Variants in KCNJ15 observed in about 807,000 individuals in gnomAD.
The protein encoded by KCNJ15 is ATP-sensitive inward rectifier potassium channel 15.
Under a neutral mutation model 23.0 loss-of-function variants are expected in KCNJ15, and 14 were observed. That is an observed-to-expected ratio of 0.61 (90% CI 0.40 to 0.95). KCNJ15 has a LOEUF of 0.95. KCNJ15 is among the 40% of genes least tolerant of loss of function. The probability of loss-of-function intolerance (pLI) is 0.00; values close to 1 mark genes in which losing one functional copy is unlikely to be tolerated. For missense variants in KCNJ15, 388 were observed against 461.8 expected, an observed-to-expected ratio of 0.84 and a Z score of 1.46; for synonymous variants, 185 against 183.2, an observed-to-expected ratio of 1.01 and a Z score of -0.08.
intron 1 of KCNJ15, among the ~76,000 whole-genome samples, chr21:38,263,973 G>A (rs544495896): frequency 1.3e-5 from 2 of 152,280 alleles, no homozygotes; most frequent in South Asian, 4.1e-4. Flanking sequence ...AAGGCCATTT[G>A]ATTAAATCAT....
intron 1 of KCNJ15, among the ~76,000 whole-genome samples, chr21:38,249,033 C>G (rs550848530): frequency 6.6e-6 from 1 of 152,274 alleles, no homozygotes; most frequent in South Asian, 2.1e-4. Context: ...GAATTTGAAT[C>G]TATAGCTAAG....
At chr21:38,259,462 T>G (rs1375039096) in intron 1 of KCNJ15, among the ~76,000 whole-genome samples, 1 of 152,228 alleles carries the variant, frequency 6.6e-6, no homozygotes, top group Non-Finnish European at 1.5e-5. Flanking sequence ...CCTGCAGCAA[T>G]TCAAGCATTG....
chr21:38,288,051 T>TTTTTTTTTTTTTTTTTTTTTTG, intron 1 of KCNJ15, among the ~76,000 whole-genome samples: 1 of 111,968 alleles, frequency 8.9e-6, no homozygotes, highest in South Asian at 3.6e-4. Flanking sequence ...TTTTTTTTTT[T>TTTTTTTTTTTTTTTTTTTTTTG]TTTTTTTGAG....
chr21:38,245,615 G>T lies in KCNJ15; in HGVS notation c.-398-11431G>T, dbSNP rs571116991. On this transcript the variant is annotated intron_variant, in intron 1 of 4. Transcript: ENST00000547341. ...AGAGAGAAAGAAAGAAAGGAGGGAA[G>T]GAAGGAGAGAGGAAGGAAGGGAAGG... 2.7e-5 allele frequency among the ~76,000 whole-genome samples: 4 copies of T among 147,414 alleles called. No homozygotes were observed. In the East Asian group the frequency reaches 5.9e-4, roughly 22 times the overall value.
rs1156756167 is a variant in KCNJ15 at position 38,296,940 on chromosome 21, C to G, written c.-102C>G. On this transcript the variant is annotated 5_prime_UTR_variant, in exon 2 of 3. Coordinates refer to ENST00000398938, the MANE Select transcript of KCNJ15 (RefSeq NM_170736.3). ...CTTTCTTTCAGGCAGTAGCAGAATC[C>G]CATGGTAGCCAGGTGGGTGAAGGGG... The G allele has an allele frequency of 6.6e-6, 1 of 152,540 alleles. No homozygotes were observed. Among genetic ancestry groups the G allele is most frequent in the Non-Finnish European group, 1.5e-5 (1 of 68,100 alleles). The allele number at this position is 152,540 out of a possible 1,614,324, so 9.4% of individuals were successfully genotyped here. A position where few individuals can be genotyped will look rare whatever the true frequency, so the allele number is the denominator to read the frequency against.
rs1450893922 is a variant in KCNJ15, at chr21:38,300,544, T to C, written c.*155T>C. 3.2e-6 allele frequency: 2 copies of C among 629,772 alleles called. No homozygotes were observed. The highest frequency in any genetic ancestry group is 5.5e-6 in the Non-Finnish European group (2 of 364,758). 39.0% of individuals were successfully genotyped at this position (629,772 alleles called of 1,614,324 possible). The stretch of plus-strand genomic sequence containing the variant: ...CAATCTTTTCCTTTGATCTTGTGGC[T>C]AAACCAGCATTTCTGTGTTTGAGAG... On this transcript the variant is annotated 3_prime_UTR_variant, in exon 3 of 3. Coordinates refer to ENST00000398938, the MANE Select transcript of KCNJ15 (RefSeq NM_170736.3).
chr21:38,279,156 T>G (rs1983059548), intron 1 of KCNJ15, among the ~76,000 whole-genome samples: 1 of 151,750 alleles, frequency 6.6e-6, no homozygotes, highest in Non-Finnish European at 1.5e-5. Context: ...TGAGTATTTT[T>G]CAGTGCCTGA....
chr21:38,298,279 A>T (rs1160667585), intron 2 of KCNJ15: 13 of 152,184 alleles, frequency 8.5e-5, no homozygotes, highest in Non-Finnish European at 1.9e-4. Flanking sequence ...AGCACTTCTT[A>T]TAGGTAGGTC....
chr21:38,300,027 C>G lies in KCNJ15; in HGVS notation c.766C>G (p.His256Asp). The G allele has an allele frequency of 6.2e-7, 1 of 1,614,076 alleles. No individual in the cohort carries two copies. Among genetic ancestry groups the G allele is most frequent in the Non-Finnish European group, 8.5e-7 (1 of 1,180,018 alleles). The change falls in exon 3 of 3, where the codon CAT becomes GAT. Residue 256 changes from histidine (H) to aspartate (D), a missense_variant. Coordinates refer to ENST00000398938, the MANE Select transcript of KCNJ15 (RefSeq NM_170736.3). ...CCTCATTCTGCCCATGACATTCTAC[C>G]ATGTGCTGGATGAGACGAGCCCCCT... ...PFLILPMTFYHVLDETSPLRD... is the reference protein window; with the variant it reads ...PFLILPMTFYDVLDETSPLRD...
intron 1 of KCNJ15, among the ~76,000 whole-genome samples, chr21:38,282,589 G>A (rs1248075355): frequency 6.6e-6 from 1 of 152,162 alleles, no homozygotes; most frequent in Non-Finnish European, 1.5e-5. Flanking sequence ...GTGCCTAGCT[G>A]TGGACTGGAT....
chr21:38,234,601 C>T (rs1305916228), intron 1 of KCNJ15, among the ~76,000 whole-genome samples: 1 of 152,178 alleles, frequency 6.6e-6, no homozygotes, highest in African/African-American at 2.4e-5. Flanking sequence ...ACTCTGGAGC[C>T]TTTTATGAAC....
At position 38,305,080 on chromosome 21, in the gene KCNJ15, C is replaced by CAAAAAAAAAAAAAAAAAAAAAAAAA. The variant is rs60094452; in HGVS notation, c.*4708_*4709insAAAAAAAAAAAAAAAAAAAAAAAAA. 2.0e-5 allele frequency: 2 copies of CAAAAAAAAAAAAAAAAAAAAAAAAA among 97,786 alleles called. No homozygotes were observed. Among genetic ancestry groups the CAAAAAAAAAAAAAAAAAAAAAAAAA allele is most frequent in the African/African-American group, 3.7e-5 (1 of 27,286 alleles). The allele number at this position is 97,786 out of a possible 1,614,324, so 6.1% of individuals were successfully genotyped here. On this transcript the variant is annotated 3_prime_UTR_variant, in exon 3 of 3. Coordinates refer to ENST00000398938, the MANE Select transcript of KCNJ15 (RefSeq NM_170736.3). The stretch of plus-strand genomic sequence containing the variant: ...GGGCAACAAAAGTAAAACTCCGTCT[C>CAAAAAAAAAAAAAAAAAAAAAAAAA]AAAAAAAAAAAAAAAAAGAAAAAGA...
At chr21:38,230,097 A>G (rs1350340090) in intron 1 of KCNJ15, among the ~76,000 whole-genome samples, 1 of 152,126 alleles carries the variant, frequency 6.6e-6, no homozygotes, top group African/African-American at 2.4e-5. Flanking sequence ...TGTATTTAAT[A>G]TTTTGAGAAA....
At chr21:38,296,337 A>G (rs1251569588) in intron 1 of KCNJ15, among the ~76,000 whole-genome samples, 1 of 152,228 alleles carries the variant, frequency 6.6e-6, no homozygotes. Flanking sequence ...CAAAAAGTAC[A>G]TGCAAAAGAA....
chr21:38,251,209 A>G (rs1979809970), intron 1 of KCNJ15, among the ~76,000 whole-genome samples: 1 of 152,218 alleles, frequency 6.6e-6, no homozygotes, highest in Non-Finnish European at 1.5e-5. Context: ...ACAGTGGAAA[A>G]CAGTCATTAT....
intron 1 of KCNJ15, among the ~76,000 whole-genome samples, chr21:38,281,563 G>A (rs1242265241): frequency 6.6e-6 from 1 of 152,124 alleles, no homozygotes; most frequent in Non-Finnish European, 1.5e-5. Context: ...TAGGATAATG[G>A]TCTCCAGCTC....
Position 38,304,248 on chromosome 21 carries a change from C to A in KCNJ15, c.*3859C>A, listed in dbSNP as rs1985962636. On this transcript the variant is annotated 3_prime_UTR_variant, in exon 3 of 3. Transcript: ENST00000398938. ...TATATCTCCTAATGCTATCCCTCCC[C>A]CCTCCCCCCACCCCACAACAGTCCC... The A allele has an allele frequency of 8.6e-6, 1 of 116,332 alleles. No individual in the cohort carries two copies. Among genetic ancestry groups the A allele is most frequent in the South Asian group, 3.8e-4 (1 of 2,630 alleles). The allele number at this position is 116,332 out of a possible 1,614,324, so 7.2% of individuals were successfully genotyped here.
At position 38,289,196 on chromosome 21, in the gene KCNJ15, CAAAAAAA is replaced by C. The variant is rs66914079; in HGVS notation, c.-116-7714_-116-7708del. On this transcript the variant is annotated intron_variant, in intron 1 of 2. Coordinates refer to ENST00000398938, the MANE Select transcript of KCNJ15 (RefSeq NM_170736.3). ...CCTCGGCAACAGAGCAAGACTGTCT[CAAAAAAA>C]AAAAAAAAAAAAAAAGGTCAAATAC... Among the ~76,000 whole-genome samples, 10 of 72,410 alleles carry C rather than the reference CAAAAAAA, an allele frequency of 1.4e-4. No individual in the cohort carries two copies. In the South Asian group the frequency reaches 2.0e-3, roughly 15 times the overall value. 47.5% of individuals were successfully genotyped at this position (72,410 alleles called of 152,430 possible).
At chr21:38,262,262 G>A (rs887558063) in intron 1 of KCNJ15, among the ~76,000 whole-genome samples, 2 of 152,186 alleles carry the variant, frequency 1.3e-5, no homozygotes, top group African/African-American at 4.8e-5. Flanking sequence ...TCTGCTAGGA[G>A]GTAAAGAAAA....
Sources: allele counts gnomAD v4.1 joint callset (sites outside exome capture counted in the v4.1 genomes callset), GRCh38; gene constraint gnomAD v4.1.1; transcripts MANE v1.5; gene names NCBI Gene and HGNC (gene_info 2026-07-23, HGNC 2026-07-21).